Variants in BNC2 observed in about 807,000 individuals in gnomAD.
The protein encoded by BNC2 is zinc finger protein basonuclin-2.
BNC2 carries 20 observed loss-of-function variants against 76.3 expected under a neutral mutation model. The observed-to-expected ratio is 0.26, with a 90% CI of 0.18 to 0.38. The LOEUF (loss-of-function observed/expected upper bound fraction) is 0.38, where lower values mean the gene tolerates loss of function less well. Among genes scored for constraint, BNC2 ranks in the 10% least tolerant of loss-of-function variants. BNC2 has a pLI of 1.00. For synonymous variants in BNC2, 582 were observed against 514.8 expected, an observed-to-expected ratio of 1.13 and a Z score of -1.77; for missense variants, 1,382 against 1,399.8, an observed-to-expected ratio of 0.99 and a Z score of 0.20.
chr9:16,455,686 G>A (rs1821432879), intron 5 of BNC2, among the ~76,000 whole-genome samples: 1 of 152,058 alleles, frequency 6.6e-6, no homozygotes, highest in African/African-American at 2.4e-5. Flanking sequence ...CAGCTACTCA[G>A]GAGGCTGAGG....
chr9:16,761,695 T>C (rs558251114), intron 1 of BNC2, among the ~76,000 whole-genome samples: 70 of 152,358 alleles, frequency 4.6e-4, no homozygotes, highest in Middle Eastern at 6.8e-3. Context: ...CCAATTTATA[T>C]TTATTTATGG....
intron 5 of BNC2, among the ~76,000 whole-genome samples, chr9:16,536,973 G>A (rs1587142809): frequency 6.6e-6 from 1 of 151,938 alleles, no homozygotes; most frequent in African/African-American, 2.4e-5. Context: ...CTAAATATTT[G>A]AAATGTTACT....
At position 16,418,875 on chromosome 9, in the gene BNC2, A is replaced by ACACG. The variant is rs1563773980; in HGVS notation, c.*113_*114insCGTG. 7.0e-6 allele frequency: 5 copies of ACACG among 719,338 alleles called. No individual in the cohort carries two copies. The allele number at this position is 719,338 out of a possible 1,614,324, so 44.6% of individuals were successfully genotyped here. ...GTAGCCACAGAGCATACATAAATGC[A>ACACG]CACACACACACACACACACACACAC... On this transcript the variant is annotated 3_prime_UTR_variant, in exon 7 of 7. Coordinates refer to ENST00000380672, the MANE Select transcript of BNC2 (RefSeq NM_017637.6).
intron 3 of BNC2, among the ~76,000 whole-genome samples, chr9:16,670,553 A>G (rs1188063751): frequency 6.6e-6 from 1 of 152,218 alleles, no homozygotes; most frequent in Non-Finnish European, 1.5e-5. Flanking sequence ...GACATAGGAT[A>G]TAACTGTTTT....
At chr9:16,582,576 C>T (rs1015268757) in intron 4 of BNC2, among the ~76,000 whole-genome samples, 9 of 152,154 alleles carry the variant, frequency 5.9e-5, no homozygotes, top group African/African-American at 1.9e-4. Context: ...CGAGCACATA[C>T]GACAAGGGTG....
At chr9:16,777,979 C>T (rs1379880644) in intron 1 of BNC2, among the ~76,000 whole-genome samples, 2 of 152,156 alleles carry the variant, frequency 1.3e-5, no homozygotes, top group African/African-American at 4.8e-5. Context: ...TATTATCTAA[C>T]TTCTACTTCC....
chr9:16,765,552 T>C (rs1354983028), intron 1 of BNC2, among the ~76,000 whole-genome samples: 1 of 152,140 alleles, frequency 6.6e-6, no homozygotes, highest in Non-Finnish European at 1.5e-5. Flanking sequence ...AAAGCTGAAA[T>C]ATGTTAGGTA....
chr9:16,431,372 T>C (rs1289857679), intron 6 of BNC2: 2 of 437,692 alleles, frequency 4.6e-6, no homozygotes, highest in African/African-American at 2.0e-5. Context: ...AGTCAGAGTA[T>C]GAGAAATGAT....
intron 3 of BNC2, among the ~76,000 whole-genome samples, chr9:16,652,018 A>G (rs894859673): frequency 2.5e-4 from 38 of 152,170 alleles, no homozygotes; most frequent in African/African-American, 9.2e-4. Context: ...TGTGTTCCTC[A>G]GCTCCCATTT....
At chr9:16,524,625 T>C (rs1322984376) in intron 5 of BNC2, among the ~76,000 whole-genome samples, 1 of 152,178 alleles carries the variant, frequency 6.6e-6, no homozygotes, top group Non-Finnish European at 1.5e-5. Context: ...ACTGAACATG[T>C]TTAACATACT....
At chr9:16,851,899 C>T (rs7868036) in intron 1 of BNC2, among the ~76,000 whole-genome samples, 147,845 of 152,282 alleles carry the variant, frequency 0.97, 71,898 homozygotes, top group Middle Eastern at 1. Flanking sequence ...ACAGGTATAC[C>T]CTGAACTGAA....
At chr9:16,676,623 A>G (rs1822651011) in intron 3 of BNC2, among the ~76,000 whole-genome samples, 1 of 152,252 alleles carries the variant, frequency 6.6e-6, no homozygotes, top group Non-Finnish European at 1.5e-5. Flanking sequence ...CCATTCAACC[A>G]AAGTTTACTT....
intron 1 of BNC2, among the ~76,000 whole-genome samples, chr9:16,772,489 T>A (rs899822767): frequency 6.6e-6 from 1 of 152,188 alleles, no homozygotes; most frequent in Non-Finnish European, 1.5e-5. Flanking sequence ...CATATAGTAG[T>A]TATATGTAAA....
chr9:16,850,949 G>C (rs1176620398), intron 1 of BNC2, among the ~76,000 whole-genome samples: 2 of 152,010 alleles, frequency 1.3e-5, no homozygotes, highest in African/African-American at 4.8e-5. Context: ...AGAAGAACTA[G>C]ACACAGGCTG....
intron 5 of BNC2, among the ~76,000 whole-genome samples, chr9:16,516,939 T>A (rs956625521): frequency 1.3e-5 from 2 of 152,222 alleles, no homozygotes; most frequent in Non-Finnish European, 2.9e-5. Flanking sequence ...TTTAAACTGG[T>A]CAGTTGCACT....
At chr9:16,694,851 G>C (rs1823289277) in intron 3 of BNC2, among the ~76,000 whole-genome samples, 1 of 152,118 alleles carries the variant, frequency 6.6e-6, no homozygotes. Flanking sequence ...CGCATACAAA[G>C]TTGATTTCTA....
intron 1 of BNC2, among the ~76,000 whole-genome samples, chr9:16,856,277 T>TCTCACACACA (rs1554752004): frequency 6.8e-6 from 1 of 148,146 alleles, no homozygotes; most frequent in South Asian, 2.1e-4. Context: ...TCTCTCTCTC[T>TCTCACACACA]CACACACACA....
At chr9:16,589,760 G>A (rs997391763) in intron 3 of BNC2, among the ~76,000 whole-genome samples, 4 of 152,024 alleles carry the variant, frequency 2.6e-5, no homozygotes, top group South Asian at 2.1e-4. Flanking sequence ...CACCCGCCTC[G>A]GCCTCTCAAA....
chr9:16,835,810 A>G (rs1258884151), intron 1 of BNC2, among the ~76,000 whole-genome samples: 1 of 152,228 alleles, frequency 6.6e-6, no homozygotes. Flanking sequence ...CTCTCTTGCC[A>G]AGAAAAACAG....
Sources: gnomAD v4.1 joint callset for allele counts (sites outside exome capture counted in the v4.1 genomes callset) on GRCh38, gnomAD v4.1.1 for gene constraint, MANE v1.5 for transcripts, NCBI Gene and HGNC (gene_info 2026-07-23, HGNC 2026-07-21) for gene names.